KCNC1: variants seen among roughly 807,000 people sequenced by gnomAD.
KCNC1 encodes the protein voltage-gated potassium channel KCNC1.
KCNC1 carries 8 observed loss-of-function variants against 43.4 expected under a neutral mutation model. The observed-to-expected ratio is 0.18, with a 90% CI of 0.11 to 0.33. KCNC1 has a LOEUF of 0.33. KCNC1 is among the 10% of genes least tolerant of loss of function. The pLI, the probability that KCNC1 is intolerant of heterozygous loss-of-function variation, is 1.00. For missense variants in KCNC1, 420 were observed against 836.0 expected, an observed-to-expected ratio of 0.50 and a Z score of 6.14; for synonymous variants, 361 against 360.5, an observed-to-expected ratio of 1.00 and a Z score of -0.01.
Position 17,739,027 on chromosome 11 carries a change from C to T in KCNC1, c.570+2455C>T, listed in dbSNP as rs960890248. Among the ~76,000 whole-genome samples the T allele has an allele frequency of 4.6e-5, 7 of 152,222 alleles. No homozygotes were observed. Among genetic ancestry groups the T allele is most frequent in the Non-Finnish European group, 7.3e-5 (5 of 68,044 alleles). ...CGGGATTAGAACCCCAGCTTCCTGC[C>T]GCCCGCCCGGCTGGCCTAGCTGCAC... On this transcript the variant is annotated intron_variant, in intron 1 of 3. Transcript: ENST00000265969. This position sits in a 1 kb window ranked among gnomAD's most constrained non-coding sequence, Gnocchi z 4.2.
Position 17,779,280 on chromosome 11 carries a change from G to A in KCNC1, c.1505-176G>A. ...AGCCCGAAGGCTGCCTGAATGAGCT[G>A]AACCCCCCACCAAGCCCCCTGCCTT... On this transcript the variant is annotated intron_variant, in intron 2 of 3. Coordinates refer to ENST00000265969, the MANE Select transcript of KCNC1 (RefSeq NM_001112741.2). The surrounding 1 kb of genome is among the most constrained non-coding windows in gnomAD (Gnocchi z 7.2). 3 of 566,138 alleles carry A rather than the reference G, an allele frequency of 5.3e-6. No homozygotes were observed. Among genetic ancestry groups the A allele is most frequent in the Non-Finnish European group, 9.2e-6 (3 of 325,584 alleles). The allele number at this position is 566,138 out of a possible 1,614,324, so 35.1% of individuals were successfully genotyped here.
At chr11:17,745,233 G>T (rs561565307) in intron 1 of KCNC1, among the ~76,000 whole-genome samples, 2 of 152,088 alleles carry the variant, frequency 1.3e-5, no homozygotes, top group Non-Finnish European at 2.9e-5. Context: ...CAAGCAAGCC[G>T]CTCCTTCCTG....
intron 2 of KCNC1, chr11:17,774,294 C>G: frequency 3.0e-6 from 3 of 985,496 alleles, no homozygotes; most frequent in Non-Finnish European, 3.6e-6. Context: ...GGCCCAGGCC[C>G]CAGCTTCCAT....
chr11:17,752,007 G>A (rs190392854), intron 1 of KCNC1, among the ~76,000 whole-genome samples: 23 of 152,278 alleles, frequency 1.5e-4, no homozygotes, highest in African/African-American at 3.8e-4. Context: ...TCCTGAGGCC[G>A]CAGAAGACCC....
chr11:17,767,901 A>G (rs575350313), intron 1 of KCNC1, among the ~76,000 whole-genome samples: 2 of 152,372 alleles, frequency 1.3e-5, no homozygotes, highest in African/African-American at 4.8e-5. Flanking sequence ...CTAGACAGGC[A>G]GTCCATTGGT....
chr11:17,774,655 G>C (rs1849265602), intron 2 of KCNC1: 1 of 985,418 alleles, frequency 1.0e-6, no homozygotes, highest in Non-Finnish European at 1.2e-6. Context: ...CTGCTTTTGA[G>C]AGCCACTTTG....
Position 17,739,671 on chromosome 11 carries a change from GTC to G in KCNC1, c.570+3101_570+3102del, listed in dbSNP as rs1848816095. Among the ~76,000 whole-genome samples, 2 of 116,114 alleles carry G rather than the reference GTC, an allele frequency of 1.7e-5. No homozygotes were observed. Among genetic ancestry groups the G allele is most frequent in the South Asian group, 6.1e-4 (2 of 3,258 alleles). The allele number at this position is 116,114 out of a possible 152,430, so 76.2% of individuals were successfully genotyped here. ...CTGTATATGTGGAGCTCATGTGTGAGTCTGTGTGTGTGTGTGTGTGTGTGTGT... is the reference window on the plus strand; with the variant it reads ...CTGTATATGTGGAGCTCATGTGTGAGTGTGTGTGTGTGTGTGTGTGTGTGT... On this transcript the variant is annotated intron_variant, in intron 1 of 3. Transcript: ENST00000265969. The surrounding 1 kb of genome is among the most constrained non-coding windows in gnomAD (Gnocchi z 4.2).
chr11:17,745,640 C>T (rs940994742), intron 1 of KCNC1, among the ~76,000 whole-genome samples: 3 of 152,160 alleles, frequency 2.0e-5, no homozygotes, highest in Non-Finnish European at 4.4e-5. Context: ...CCACACCCAG[C>T]ATCTCCCTCT....
At chr11:17,738,132 C>A (rs939370767) in intron 1 of KCNC1, among the ~76,000 whole-genome samples, 1 of 152,146 alleles carries the variant, frequency 6.6e-6, no homozygotes, top group Admixed American at 6.5e-5. Flanking sequence ...CCCAAGGTCA[C>A]CCAGGGAGCT....
Position 17,773,836 on chromosome 11 carries a change from C to A in KCNC1, c.1504+1238C>A. ...TGAGTAAGAAGGAGTGCCAGGTGAG[C>A]AGGAGGTTGACGTGACAGGTGGCAT... On this transcript the variant is annotated intron_variant, in intron 2 of 3. Coordinates refer to ENST00000265969, the MANE Select transcript of KCNC1 (RefSeq NM_001112741.2). The surrounding 1 kb of genome is among the most constrained non-coding windows in gnomAD (Gnocchi z 4.1). 1 of 985,530 alleles carries A rather than the reference C, an allele frequency of 1.0e-6. No homozygotes were observed. Among genetic ancestry groups the A allele is most frequent in the South Asian group, 4.7e-5 (1 of 21,284 alleles). The allele number at this position is 985,530 out of a possible 1,614,324, so 61.0% of individuals were successfully genotyped here.
intron 2 of KCNC1, chr11:17,775,281 T>TGCCCCCCCCCCCCCCC: frequency 1.1e-6 from 1 of 935,852 alleles, no homozygotes; most frequent in Non-Finnish European, 1.3e-6. Context: ...TCTGAGGGCA[T>TGCCCCCCCCCCCCCCC]CCCTCCCGCC....
rs900611476 is a variant in KCNC1 at position 17,782,264 on chromosome 11, C to T, written c.*530C>T. On this transcript the variant is annotated 3_prime_UTR_variant, in exon 4 of 4. Transcript: ENST00000265969. ...TTTGTACACAAGATCAAGAGGAAAGCTTCCAAAAAGGGCAGTCGGTCAGTC... is the reference window on the plus strand; with the variant it reads ...TTTGTACACAAGATCAAGAGGAAAGTTTCCAAAAAGGGCAGTCGGTCAGTC... 2.0e-5 allele frequency: 3 copies of T among 152,404 alleles called. No homozygotes were observed. The highest frequency in any genetic ancestry group is 4.4e-5 in the Non-Finnish European group (3 of 68,220). 9.4% of individuals were successfully genotyped at this position (152,404 alleles called of 1,614,324 possible).
At chr11:17,750,464 G>T (rs1848954285) in intron 1 of KCNC1, among the ~76,000 whole-genome samples, 1 of 152,156 alleles carries the variant, frequency 6.6e-6, no homozygotes, top group South Asian at 2.1e-4. Context: ...GTCTCCCGAG[G>T]CCTGGCTGTC....
chr11:17,762,090 C>T (rs1360720911), intron 1 of KCNC1, among the ~76,000 whole-genome samples: 6 of 152,196 alleles, frequency 3.9e-5, no homozygotes, highest in Admixed American at 6.5e-5. Flanking sequence ...CCTCTGAGGC[C>T]GTCTCCTCAG....
rs774525216 is a variant in KCNC1, at chr11:17,736,514, G to C, written c.512G>C (p.Arg171Pro). 1.9e-6 allele frequency: 3 copies of C among 1,585,750 alleles called. No individual in the cohort carries two copies. The highest frequency in any genetic ancestry group is 2.6e-6 in the Non-Finnish European group (3 of 1,173,204). Reference sequence around the variant, plus strand: ...GGCCGGCCTGGCGGCTTTTGGCGCCGCTGGCAGCCGCGCATCTGGGCGCTC... The same window carrying C: ...GGCCGGCCTGGCGGCTTTTGGCGCCCCTGGCAGCCGCGCATCTGGGCGCTC... ...PDGRPGGFWRRWQPRIWALFE... is the reference protein window; with the variant it reads ...PDGRPGGFWRPWQPRIWALFE... The change falls in exon 1 of 4, where the codon CGC becomes CCC. Residue 171 changes from arginine to proline, a missense_variant. Coordinates refer to ENST00000265969, the MANE Select transcript of KCNC1 (RefSeq NM_001112741.2). The surrounding 1 kb of genome is among the most constrained non-coding windows in gnomAD (Gnocchi z 9.3).
chr11:17,775,919 C>T (rs7131016), intron 2 of KCNC1: 17,393 of 985,528 alleles, frequency 0.018, 885 homozygotes, highest in African/African-American at 0.17. Context: ...AGTCCCCTAT[C>T]CCCAGCCCCT....
chr11:17,777,082 C>T lies in KCNC1; in HGVS notation c.1505-2374C>T, dbSNP rs1238362718. 2 of 985,142 alleles carry T rather than the reference C, an allele frequency of 2.0e-6. No homozygotes were observed. The highest frequency in any genetic ancestry group is 1.2e-6 in the Non-Finnish European group (1 of 829,872). 61.0% of individuals were successfully genotyped at this position (985,142 alleles called of 1,614,324 possible). A position where few individuals can be genotyped will look rare whatever the true frequency, so the allele number is the denominator to read the frequency against. ...GATCCCTGATGGATGTTCCTTGTCC[C>T]CTGCCCAAAACCATCCCGAACTTTG... On this transcript the variant is annotated intron_variant, in intron 2 of 3. Transcript: ENST00000265969. The surrounding 1 kb of genome is among the most constrained non-coding windows in gnomAD (Gnocchi z 4.3).
Position 17,772,028 on chromosome 11 carries a change from G to A in KCNC1, c.934G>A (p.Val312Ile), listed in dbSNP as rs1849235767. 1 of 1,613,350 alleles carries A rather than the reference G, an allele frequency of 6.2e-7. No individual in the cohort carries two copies. The highest frequency in any genetic ancestry group is 8.5e-7 in the Non-Finnish European group (1 of 1,179,982). The change falls in exon 2 of 4, where the codon GTC becomes ATC. Residue 312 changes from valine (V) to isoleucine (I), a missense_variant. Val to Ile is a conservative substitution (Grantham distance 29). Coordinates refer to ENST00000265969, the MANE Select transcript of KCNC1 (RefSeq NM_001112741.2). ...AAKDVLGFLR[V>I]VRFVRILRIF... ...CAAGGACGTGCTGGGCTTCCTGCGCGTCGTCCGCTTCGTGCGCATCTTGCG... is the reference window on the plus strand; with the variant it reads ...CAAGGACGTGCTGGGCTTCCTGCGCATCGTCCGCTTCGTGCGCATCTTGCG...
intron 1 of KCNC1, among the ~76,000 whole-genome samples, chr11:17,767,550 C>T (rs746758166): frequency 2.0e-5 from 3 of 152,182 alleles, no homozygotes; most frequent in Non-Finnish European, 4.4e-5. Context: ...CCTGGGGCTT[C>T]GTTGCTCTTG....
Sources: gnomAD v4.1 joint callset for allele counts (sites outside exome capture counted in the v4.1 genomes callset) on GRCh38, gnomAD v4.1.1 for gene constraint, Gnocchi (gnomAD v3.1) non-coding constraint, MANE v1.5 for transcripts, NCBI Gene and HGNC (gene_info 2026-07-23, HGNC 2026-07-21) for gene names.